Variants in ZNF154 observed in about 807,000 individuals in gnomAD.
ZNF154 encodes zinc finger protein 154 (pHZ-92).
ZNF154 carries 6 observed loss-of-function variants against 7.5 expected under a neutral mutation model. The ratio of observed to expected loss-of-function variants is 0.80; its 90% CI spans 0.44 to 1.57. The LOEUF is 1.57. Ranked by LOEUF, ZNF154 falls within the 40% of genes most tolerant of loss-of-function variation. ZNF154 has a pLI of 0.01. For synonymous variants in ZNF154, 187 were observed against 185.9 expected (o/e 1.01, Z -0.05); for missense variants, 485 against 531.4 (o/e 0.91, Z 0.86).
chr19:57,705,058 C>T, intron 1 of ZNF154, 79 bp from the exon 2 acceptor site: 1 of 1,511,376 alleles, frequency 6.6e-7, no homozygotes, highest in Non-Finnish European at 8.8e-7. Flanking sequence ...CATCTTTACC[C>T]CATGCCCATT....
At chr19:57,708,910 G>A in intron 1 of ZNF154, 29 bp downstream of exon 1, 1 of 1,557,006 alleles carries the variant, frequency 6.4e-7, no homozygotes, top group African/African-American at 1.4e-5. Flanking sequence ...GGGGGAAGGT[G>A]TGTGAGGACG....
In ZNF154 at chr19:57,698,510, T is replaced by G. The variant is rs1366805509; in HGVS notation, c.*3125A>C. Reference sequence around the variant, plus strand: ...CAGTAACATGTTGGCAGTTTCAAAATTGGCATGGTGGGAGCAATTACAGGT... The same window carrying G: ...CAGTAACATGTTGGCAGTTTCAAAAGTGGCATGGTGGGAGCAATTACAGGT... On this transcript the variant is annotated 3_prime_UTR_variant, in exon 3 of 3. Transcript: ENST00000684351. 1 of 152,164 alleles carries G rather than the reference T, an allele frequency of 6.6e-6. No individual in the cohort carries two copies. The highest frequency in any genetic ancestry group is 6.5e-5 in the Admixed American group (1 of 15,278). The allele number at this position is 152,164 out of a possible 1,614,324, so 9.4% of individuals were successfully genotyped here. A position where few individuals can be genotyped will look rare whatever the true frequency, so the allele number is the denominator to read the frequency against.
In ZNF154 at chr19:57,699,093, C is replaced by CT. The variant is rs1422371329; in HGVS notation, c.*2541dup. The CT allele has an allele frequency of 7.4e-5, 11 of 149,528 alleles. 1 individual carries two copies. The highest frequency in any genetic ancestry group is 6.0e-4 in the East Asian group (3 of 5,024). The allele number at this position is 149,528 out of a possible 1,614,324, so 9.3% of individuals were successfully genotyped here. ...AGGTGTAAGCCACCGCATCTGGCCT[C>CT]TTTTTTTTGAGACGGAGTCTTGTTT... On this transcript the variant is annotated 3_prime_UTR_variant, in exon 3 of 3. Coordinates refer to ENST00000684351, the MANE Select transcript of ZNF154 (RefSeq NM_001085384.3).
intron 1 of ZNF154, among the ~76,000 whole-genome samples, chr19:57,705,654 T>G (rs543888257): frequency 6.6e-6 from 1 of 150,976 alleles, no homozygotes; most frequent in African/African-American, 2.4e-5. Context: ...CTCAGGAGGC[T>G]GAGGCAGGAG....
At position 57,697,885 on chromosome 19, in the gene ZNF154, A is replaced by G. The variant is rs150392151; in HGVS notation, c.*3750T>C. ...TATGTCATTGTACCAGTAATTTTAC[A>G]CAATGAAAATTAATTTTATATGTTG... On this transcript the variant is annotated 3_prime_UTR_variant, in exon 3 of 3. Coordinates refer to ENST00000684351, the MANE Select transcript of ZNF154 (RefSeq NM_001085384.3). 6.2e-4 allele frequency: 95 copies of G among 152,306 alleles called. No homozygotes were observed. Among genetic ancestry groups the G allele is most frequent in the Middle Eastern group, 3.4e-3 (1 of 294 alleles). The allele number at this position is 152,306 out of a possible 1,614,324, so 9.4% of individuals were successfully genotyped here.
chr19:57,697,782 G>A lies in ZNF154; in HGVS notation c.*3853C>T, dbSNP rs1984955379. The A allele has an allele frequency of 6.6e-6, 1 of 152,076 alleles. No individual in the cohort carries two copies. The highest frequency in any genetic ancestry group is 2.4e-5 in the African/African-American group (1 of 41,404). 9.4% of individuals were successfully genotyped at this position (152,076 alleles called of 1,614,324 possible). Reference sequence around the variant, plus strand: ...AAAAAAAAATAGTGAAGGAAGACTGGAGAAAGGTTCATCTGGCTTCATAAC... The same window carrying A: ...AAAAAAAAATAGTGAAGGAAGACTGAAGAAAGGTTCATCTGGCTTCATAAC... On this transcript the variant is annotated 3_prime_UTR_variant, in exon 3 of 3. Transcript: ENST00000684351.
rs1251791499 is a variant in ZNF154, at chr19:57,708,939, C to A, written c.33G>T (p.Gln11His). The stretch of plus-strand genomic sequence containing the variant: ...GAGGACGGGAAGACGCCGCACTCAC[C>A]TGAGTTGGCGTCCTCAGAGTGGCCG... MAAATLRTPTQGTVTFEDVAV... is the reference protein window; with the variant it reads MAAATLRTPTHGTVTFEDVAV... The change falls in exon 1 of 3, where the codon CAG becomes CAT. Residue 11 changes from glutamine to histidine, a missense_variant and splice_region_variant. Gln to His is a conservative substitution (Grantham distance 24, BLOSUM62 0). Coordinates refer to ENST00000684351, the MANE Select transcript of ZNF154 (RefSeq NM_001085384.3). The A allele has an allele frequency of 6.4e-7, 1 of 1,561,254 alleles. No individual in the cohort carries two copies. Among genetic ancestry groups the A allele is most frequent in the Admixed American group, 1.9e-5 (1 of 52,302 alleles).
At chr19:57,703,580 G>T (rs557188664) in intron 2 of ZNF154, among the ~76,000 whole-genome samples, 47 of 152,062 alleles carry the variant, frequency 3.1e-4, no homozygotes, top group African/African-American at 1.1e-3. Flanking sequence ...GAGAGGCAGG[G>T]TCTAAAACTA....
chr19:57,698,976 G>A lies in ZNF154; in HGVS notation c.*2659C>T, dbSNP rs1163811859. 3 of 152,118 alleles carry A rather than the reference G, an allele frequency of 2.0e-5. No homozygotes were observed. Among genetic ancestry groups the A allele is most frequent in the African/African-American group, 7.2e-5 (3 of 41,398 alleles). The allele number at this position is 152,118 out of a possible 1,614,324, so 9.4% of individuals were successfully genotyped here. A position where few individuals can be genotyped will look rare whatever the true frequency, so the allele number is the denominator to read the frequency against. On this transcript the variant is annotated 3_prime_UTR_variant, in exon 3 of 3. Coordinates refer to ENST00000684351, the MANE Select transcript of ZNF154 (RefSeq NM_001085384.3). ...TGCCCAGCTAATTTTTGTATTTTTA[G>A]TAGAGACGGGGTTTCACCATGTTGG...
Position 57,701,278 on chromosome 19 carries a change from C to T in ZNF154, c.*357G>A. The T allele has an allele frequency of 4.0e-6, 1 of 249,994 alleles. No individual in the cohort carries two copies. Among genetic ancestry groups the T allele is most frequent in the Non-Finnish European group, 7.7e-6 (1 of 129,570 alleles). 15.5% of individuals were successfully genotyped at this position (249,994 alleles called of 1,614,324 possible). A position where few individuals can be genotyped will look rare whatever the true frequency, so the allele number is the denominator to read the frequency against. On this transcript the variant is annotated 3_prime_UTR_variant, in exon 3 of 3. Transcript: ENST00000684351. ...TGGGTGAGTGGTGCACACTGGTGGT[C>T]ACCTGCCAGGCAGTAGAGGTAAAAT... is the stretch of plus-strand genomic sequence containing the variant.
rs557204655 is a variant in ZNF154, at chr19:57,697,620, C to G, written c.*4015G>C. ...ATTTTTTGGGGGGTTATAAAAGAGC[C>G]TTTACATTTTAAAATTGCATTCTGA... On this transcript the variant is annotated 3_prime_UTR_variant, in exon 3 of 3. Coordinates refer to ENST00000684351, the MANE Select transcript of ZNF154 (RefSeq NM_001085384.3). 6.6e-6 allele frequency: 1 copy of G among 152,042 alleles called. No individual in the cohort carries two copies. Among genetic ancestry groups the G allele is most frequent in the African/African-American group, 2.4e-5 (1 of 41,472 alleles). 9.4% of individuals were successfully genotyped at this position (152,042 alleles called of 1,614,324 possible). A position where few individuals can be genotyped will look rare whatever the true frequency, so the allele number is the denominator to read the frequency against.
chr19:57,702,136 C>A lies in ZNF154; in HGVS notation c.813G>T (p.Arg271Ser). Reference sequence around the variant, plus strand: ...TCCCACATTCACTGCACTCATAAGGCCTCTCCCCAGTGTGAACTCCCCGAT... The same window carrying A: ...TCCCACATTCACTGCACTCATAAGGACTCTCCCCAGTGTGAACTCCCCGAT... ...LQHRGVHTGE[R>S]PYECSECGKF... Residue 271 changes from arginine (R) to serine (S), a missense_variant, in exon 3 of 3, where the codon AGG (arginine) becomes AGT (serine). Physicochemically the swap from Arg to Ser is moderately radical, Grantham distance 110. Coordinates refer to ENST00000684351, the MANE Select transcript of ZNF154 (RefSeq NM_001085384.3). The A allele has an allele frequency of 6.2e-7, 1 of 1,613,170 alleles. No individual in the cohort carries two copies.
chr19:57,701,734 C>G lies in ZNF154; in HGVS notation c.1215G>C (p.Arg405Ser). 1 of 1,608,958 alleles carries G rather than the reference C, an allele frequency of 6.2e-7. No homozygotes were observed. Among genetic ancestry groups the G allele is most frequent in the Non-Finnish European group, 8.5e-7 (1 of 1,177,778 alleles). Residue 405 changes from arginine (R) to serine (S), a missense_variant, in exon 3 of 3, where the codon AGG becomes AGC. Coordinates refer to ENST00000684351, the MANE Select transcript of ZNF154 (RefSeq NM_001085384.3). ...TQNSGLIKHR[R>S]VHTGEKPYEC... ...CATAAGGCTTCTCCCCAGTGTGAAC[C>G]CTCCTGTGCTTAATGAGGCCGGAAT...
rs1984996367 is a variant in ZNF154, at chr19:57,698,667, A to T, written c.*2968T>A. The stretch of plus-strand genomic sequence containing the variant: ...GTTGGATTTTGCCATTTTATATTGG[A>T]AAACATTCTTAAATAAATGTGGTTA... On this transcript the variant is annotated 3_prime_UTR_variant, in exon 3 of 3. Transcript: ENST00000684351. 6.6e-6 allele frequency: 1 copy of T among 152,218 alleles called. No individual in the cohort carries two copies. The highest frequency in any genetic ancestry group is 2.4e-5 in the African/African-American group (1 of 41,468). The allele number at this position is 152,218 out of a possible 1,614,324, so 9.4% of individuals were successfully genotyped here.
chr19:57,708,134 C>T (rs1007424773), intron 1 of ZNF154, among the ~76,000 whole-genome samples: 3 of 152,176 alleles, frequency 2.0e-5, no homozygotes, highest in Non-Finnish European at 4.4e-5. Flanking sequence ...CTCAGGCTGG[C>T]TGTTTTACTT....
At chr19:57,708,835 G>A (rs780282188) in intron 1 of ZNF154, 104 bp downstream of exon 1, 28 of 1,481,828 alleles carry the variant, frequency 1.9e-5, no homozygotes, top group Admixed American at 6.0e-5. Flanking sequence ...ACGCCTCAGT[G>A]TCCCCGACCC....
In ZNF154 at chr19:57,701,558, T is replaced by C; in HGVS notation, c.*77A>G. 6.8e-7 allele frequency: 1 copy of C among 1,475,448 alleles called. No individual in the cohort carries two copies. The highest frequency in any genetic ancestry group is 2.4e-4 in the Middle Eastern group (1 of 4,180). 91.4% of individuals were successfully genotyped at this position (1,475,448 alleles called of 1,614,324 possible). A position where few individuals can be genotyped will look rare whatever the true frequency, so the allele number is the denominator to read the frequency against. On this transcript the variant is annotated 3_prime_UTR_variant, in exon 3 of 3. Transcript: ENST00000684351. ...TGAGATATGGCCTTCAGCTGAAGCT[T>C]TCTGACATTCACTGTGTACTCAAGG...
chr19:57,705,710 C>T lies in ZNF154; in HGVS notation c.34-731G>A, dbSNP rs973577293. On this transcript the variant is annotated intron_variant, in intron 1 of 2. Coordinates refer to ENST00000684351, the MANE Select transcript of ZNF154 (RefSeq NM_001085384.3). ...CGGAGGTTGCAGTGAGCCAAGATTGCGAAACTGCACTCCAGTCTGGGCGAC... is the reference window on the plus strand; with the variant it reads ...CGGAGGTTGCAGTGAGCCAAGATTGTGAAACTGCACTCCAGTCTGGGCGAC... 2.0e-5 allele frequency among the ~76,000 whole-genome samples: 3 copies of T among 146,950 alleles called. No homozygotes were observed. The Admixed American group carries it at 2.1e-4, about 10-fold the overall frequency.
rs1282058157 is a variant in ZNF154, at chr19:57,707,113, C to CAAAA, written c.33+1822_33+1825dup. On this transcript the variant is annotated intron_variant, in intron 1 of 2. Coordinates refer to ENST00000684351, the MANE Select transcript of ZNF154 (RefSeq NM_001085384.3). ...GGGCAACAAGAGAGACACTCCATCT[C>CAAAA]AAAAAAAAAAAAAAAAAATAGAACA... Among the ~76,000 whole-genome samples the CAAAA allele has an allele frequency of 1.9e-3, 176 of 94,260 alleles. 1 individual carries two copies. The highest frequency in any genetic ancestry group is 6.5e-3 in the African/African-American group (149 of 22,858). The allele number at this position is 94,260 out of a possible 152,430, so 61.8% of individuals were successfully genotyped here. A position where few individuals can be genotyped will look rare whatever the true frequency, so the allele number is the denominator to read the frequency against.
Sources: gnomAD v4.1 joint callset for allele counts (sites outside exome capture counted in the v4.1 genomes callset) on GRCh38, gnomAD v4.1.1 for gene constraint, MANE v1.5 for transcripts, NCBI Gene and HGNC (gene_info 2026-07-23, HGNC 2026-07-21) for gene names.